Variants in GPD1L observed in about 807,000 individuals in gnomAD.
The protein encoded by GPD1L is glycerol-3-phosphate dehydrogenase 1 like.
In GPD1L, 17 loss-of-function variants were observed where a neutral mutation model predicts 32.9. That is an observed-to-expected ratio of 0.52 (90% CI 0.35 to 0.78). GPD1L has a LOEUF of 0.78. Ranked by LOEUF, GPD1L falls within the 30% of genes least tolerant of loss-of-function variation. The pLI is 0.01. For synonymous variants in GPD1L, 187 were observed against 165.9 expected, an observed-to-expected ratio of 1.13 and a Z score of -0.98; for missense variants, 361 against 447.8, an observed-to-expected ratio of 0.81 and a Z score of 1.75.
At chr3:32,131,502 A>G (rs1278384377) in intron 2 of GPD1L, among the ~76,000 whole-genome samples, 1 of 152,238 alleles carries the variant, frequency 6.6e-6, no homozygotes, top group Non-Finnish European at 1.5e-5. Context: ...TGCGTCTTAC[A>G]ATATGCGGTC....
At chr3:32,114,112 C>T (rs1700292968) in intron 1 of GPD1L, among the ~76,000 whole-genome samples, 3 of 152,234 alleles carry the variant, frequency 2.0e-5, no homozygotes, top group Admixed American at 2.0e-4. Context: ...GCCTTGGCCT[C>T]CCAAAGTACT....
intron 7 of GPD1L, among the ~76,000 whole-genome samples, chr3:32,160,223 G>T (rs1480729984): frequency 1.3e-5 from 2 of 148,472 alleles, no homozygotes; most frequent in Non-Finnish European, 1.5e-5. Flanking sequence ...TGGGTGGGTT[G>T]GCAGGTGGGA....
Position 32,166,151 on chromosome 3 carries a change from T to G in GPD1L, c.*241T>G, listed in dbSNP as rs937355103. 3.6e-6 allele frequency: 2 copies of G among 550,784 alleles called. No individual in the cohort carries two copies. Among genetic ancestry groups the G allele is most frequent in the Non-Finnish European group, 6.5e-6 (2 of 307,682 alleles). 34.1% of individuals were successfully genotyped at this position (550,784 alleles called of 1,614,324 possible). A position where few individuals can be genotyped will look rare whatever the true frequency, so the allele number is the denominator to read the frequency against. On this transcript the variant is annotated 3_prime_UTR_variant, in exon 8 of 8. Transcript: ENST00000282541. ...GTTTATTCCTCATTCTGTGGATGTT[T>G]CTATGAGCCAAAATTTGATGTCTTT...
At position 32,167,454 on chromosome 3, in the gene GPD1L, G is replaced by C. The variant is rs1339552846; in HGVS notation, c.*1544G>C. ...TGAATAACTACCTGTGGCATTGTTG[G>C]TTCTGAACTTTTACAGTTCAGGCCT... is the stretch of plus-strand genomic sequence containing the variant. On this transcript the variant is annotated 3_prime_UTR_variant, in exon 8 of 8. Transcript: ENST00000282541. The C allele has an allele frequency of 1.3e-5, 2 of 152,618 alleles. No individual in the cohort carries two copies. The highest frequency in any genetic ancestry group is 3.9e-4 in the East Asian group (2 of 5,184). The allele number at this position is 152,618 out of a possible 1,614,324, so 9.5% of individuals were successfully genotyped here.
At chr3:32,118,009 C>A (rs1296678055) in intron 1 of GPD1L, among the ~76,000 whole-genome samples, 1 of 152,194 alleles carries the variant, frequency 6.6e-6, no homozygotes, top group African/African-American at 2.4e-5. Context: ...CCATCCCAAA[C>A]TGCTCCTACT....
At chr3:32,120,459 A>T (rs1700395987) in intron 1 of GPD1L, among the ~76,000 whole-genome samples, 1 of 152,206 alleles carries the variant, frequency 6.6e-6, no homozygotes, top group African/African-American at 2.4e-5. Context: ...GTAAGGCTTA[A>T]TGCATAGTTA....
chr3:32,151,308 A>G lies in GPD1L; in HGVS notation c.618+4574A>G, dbSNP rs1410995602. On this transcript the variant is annotated intron_variant, in intron 5 of 7. Transcript: ENST00000282541. ...ATACACCCATTAATTCTTGGCAAGA[A>G]TCTTGCCCTTAACTTGTTTACCACA... The G allele has an allele frequency of 1.7e-5, 11 of 641,608 alleles. No individual in the cohort carries two copies. The Admixed American group carries it at 2.4e-4, about 14-fold the overall frequency. 39.7% of individuals were successfully genotyped at this position (641,608 alleles called of 1,614,324 possible).
intron 5 of GPD1L, among the ~76,000 whole-genome samples, chr3:32,149,241 T>G (rs1024966292): frequency 6.6e-6 from 1 of 152,172 alleles, no homozygotes; most frequent in South Asian, 2.1e-4. Context: ...GTTTATTTTT[T>G]GTAGAGATGG....
At position 32,162,103 on chromosome 3, in the gene GPD1L, C is replaced by A. The variant is rs949262631; in HGVS notation, c.959+2429C>A. Among the ~76,000 whole-genome samples, 4 of 152,304 alleles carry A rather than the reference C, an allele frequency of 2.6e-5. 1 individual carries two copies. In the Middle Eastern group the frequency reaches 0.01, roughly 389 times the overall value. ...GCCCTGTGGCTTATTAGCCCTGTGG[C>A]CTTGGGCAAGTCACGTATTTAGCTG... On this transcript the variant is annotated intron_variant, in intron 7 of 7. Coordinates refer to ENST00000282541, the MANE Select transcript of GPD1L (RefSeq NM_015141.4).
chr3:32,138,631 G>T lies in GPD1L; in HGVS notation c.270G>T (p.Leu90=). ...GCGAGGCTGTGCAGGATGCAGACCTGCTGGTGTTTGTCATTCCCCACCAGT... is the reference window on the plus strand; with the variant it reads ...GCGAGGCTGTGCAGGATGCAGACCTTCTGGTGTTTGTCATTCCCCACCAGT... The part of the protein sequence containing the change: ...NLSEAVQDAD[L]LVFVIPHQFI... Residue 90 remains leucine, a synonymous_variant, in exon 3 of 8, where the codon CTG becomes CTT. Coordinates refer to ENST00000282541, the MANE Select transcript of GPD1L (RefSeq NM_015141.4). 1 of 1,613,842 alleles carries T rather than the reference G, an allele frequency of 6.2e-7. No individual in the cohort carries two copies. Among genetic ancestry groups the T allele is most frequent in the Admixed American group, 1.7e-5 (1 of 60,020 alleles).
chr3:32,109,779 G>A (rs1223277141), intron 1 of GPD1L, among the ~76,000 whole-genome samples: 1 of 152,212 alleles, frequency 6.6e-6, no homozygotes, highest in African/African-American at 2.4e-5. Context: ...AGACACAGCT[G>A]GACACAGTCC....
chr3:32,110,414 G>C (rs1359160371), intron 1 of GPD1L, among the ~76,000 whole-genome samples: 1 of 152,210 alleles, frequency 6.6e-6, no homozygotes, highest in African/African-American at 2.4e-5. Flanking sequence ...GGAATGTCAA[G>C]TTGCTTAAGC....
chr3:32,126,019 C>T (rs1213927109), intron 1 of GPD1L, among the ~76,000 whole-genome samples: 1 of 152,014 alleles, frequency 6.6e-6, no homozygotes, highest in African/African-American at 2.4e-5. Context: ...CTTAATGGTA[C>T]CAATGTTTGT....
intron 2 of GPD1L, among the ~76,000 whole-genome samples, chr3:32,135,822 G>T (rs1396362055): frequency 6.6e-6 from 1 of 152,174 alleles, no homozygotes; most frequent in East Asian, 1.9e-4. Context: ...CTCCAGGTGG[G>T]AGAGGAATAA....
At chr3:32,163,552 T>A (rs1436403546) in intron 7 of GPD1L, among the ~76,000 whole-genome samples, 1 of 152,222 alleles carries the variant, frequency 6.6e-6, no homozygotes, top group Non-Finnish European at 1.5e-5. Context: ...TCCAAACTGA[T>A]CTAATTGTCC....
intron 5 of GPD1L, among the ~76,000 whole-genome samples, chr3:32,147,192 A>C (rs1700842922): frequency 1.4e-5 from 2 of 138,852 alleles, no homozygotes; most frequent in Non-Finnish European, 3.0e-5. Context: ...TTTTTCTAAG[A>C]ATAGTTTTGT....
Position 32,159,057 on chromosome 3 carries a change from G to C in GPD1L, c.800G>C (p.Cys267Ser), listed in dbSNP as rs1701038436. 1 of 1,613,834 alleles carries C rather than the reference G, an allele frequency of 6.2e-7. No homozygotes were observed. The highest frequency in any genetic ancestry group is 2.2e-5 in the East Asian group (1 of 44,880). ...GGGGTGGCCGACCTGATCACCACCT[G>C]TTACGGAGGGCGGAACCGCAGGGTG... The part of the protein sequence containing the change: ...SCGVADLITT[C>S]YGGRNRRVAE... Residue 267 changes from cysteine (C) to serine (S), a missense_variant, in exon 6 of 8, where the codon TGT becomes TCT. Coordinates refer to ENST00000282541, the MANE Select transcript of GPD1L (RefSeq NM_015141.4).
At position 32,138,614 on chromosome 3, in the gene GPD1L, G is replaced by A; in HGVS notation, c.253G>A (p.Val85Met). ...TGCCATGTCAAATCTTAGCGAGGCTGTGCAGGATGCAGACCTGCTGGTGTT... is the reference window on the plus strand; with the variant it reads ...TGCCATGTCAAATCTTAGCGAGGCTATGCAGGATGCAGACCTGCTGGTGTT... ...VVAMSNLSEA[V>M]QDADLLVFVI... The change falls in exon 3 of 8, where the codon GTG (valine) becomes ATG (methionine). Residue 85 changes from valine (V) to methionine (M), a missense_variant. Coordinates refer to ENST00000282541, the MANE Select transcript of GPD1L (RefSeq NM_015141.4). The A allele has an allele frequency of 1.9e-6, 3 of 1,614,034 alleles. No individual in the cohort carries two copies. The highest frequency in any genetic ancestry group is 2.5e-6 in the Non-Finnish European group (3 of 1,179,888).
At chr3:32,108,464 A>G (rs1001915829) in intron 1 of GPD1L, among the ~76,000 whole-genome samples, 2 of 152,214 alleles carry the variant, frequency 1.3e-5, no homozygotes, top group Admixed American at 1.3e-4. Flanking sequence ...CCAAAATCAG[A>G]TTGCACCATC....
Sources: allele counts gnomAD v4.1 joint callset (sites outside exome capture counted in the v4.1 genomes callset), GRCh38; gene constraint gnomAD v4.1.1; transcripts MANE v1.5; gene names NCBI Gene and HGNC (gene_info 2026-07-23, HGNC 2026-07-21).